Variants in NOVA1 observed in about 807,000 individuals in gnomAD.
NOVA1 encodes the protein NOVA alternative splicing regulator 1, also known as RNA-binding protein Nova-1.
Under a neutral mutation model 38.0 loss-of-function variants are expected in NOVA1, and 7 were observed. That is an observed-to-expected ratio of 0.18 (90% confidence interval 0.10 to 0.35). The LOEUF is 0.35. Among genes scored for constraint, NOVA1 ranks in the 10% least tolerant of loss-of-function variants. The pLI is 1.00. For missense variants in NOVA1, 460 were observed against 616.0 expected, an observed-to-expected ratio of 0.75 and a Z score of 2.68; for synonymous variants, 270 against 232.5, an observed-to-expected ratio of 1.16 and a Z score of -1.47.
intron 4 of NOVA1, among the ~76,000 whole-genome samples, chr14:26,465,191 T>C (rs1420145424): frequency 6.6e-6 from 1 of 152,194 alleles, no homozygotes; most frequent in East Asian, 1.9e-4. Flanking sequence ...TTTTCTTTTT[T>C]TGAGATGGAG....
chr14:26,496,452 A>G (rs2138382698), intron 2 of NOVA1, among the ~76,000 whole-genome samples: 1 of 151,856 alleles, frequency 6.6e-6, no homozygotes, highest in Middle Eastern at 3.4e-3. Context: ...TTGCCTGTTC[A>G]CTCTGATGGT....
chr14:26,503,193 C>A (rs150036037), intron 2 of NOVA1, among the ~76,000 whole-genome samples: 43 of 151,860 alleles, frequency 2.8e-4, no homozygotes, highest in African/African-American at 9.9e-4. Context: ...GTATTTATTC[C>A]TTAATATATG....
chr14:26,596,959 A>G (rs774925329), intron 1 of NOVA1: 4 of 1,210,984 alleles, frequency 3.3e-6, no homozygotes, highest in South Asian at 4.0e-5. Context: ...CTCCGGGGTC[A>G]TCCTCCTCCT....
chr14:26,449,648 T>C (rs1882459315), intron 4 of NOVA1, among the ~76,000 whole-genome samples: 1 of 152,140 alleles, frequency 6.6e-6, no homozygotes, highest in Non-Finnish European at 1.5e-5. Context: ...TTGGGGTAGA[T>C]TAACCCTATT....
chr14:26,545,570 G>C (rs1890738432), intron 2 of NOVA1, among the ~76,000 whole-genome samples: 1 of 151,990 alleles, frequency 6.6e-6, no homozygotes. Context: ...GAGGACAATG[G>C]GGGCCACTGA....
intron 2 of NOVA1, among the ~76,000 whole-genome samples, chr14:26,578,249 G>A (rs532322235): frequency 6.6e-6 from 1 of 152,164 alleles, no homozygotes; most frequent in South Asian, 2.1e-4. Context: ...AAAGAGAAAT[G>A]AAAAGAGAGG....
At chr14:26,596,562 G>A in intron 1 of NOVA1, 1 of 1,289,132 alleles carries the variant, frequency 7.8e-7, no homozygotes, top group African/African-American at 1.5e-5. Context: ...ATATGCTGGA[G>A]ATAAATTCAC....
At chr14:26,548,208 T>C (rs1890925621) in intron 2 of NOVA1, among the ~76,000 whole-genome samples, 1 of 152,042 alleles carries the variant, frequency 6.6e-6, no homozygotes, top group Non-Finnish European at 1.5e-5. Context: ...TAAGCCCAAA[T>C]ATCTTGGTAA....
At position 26,448,790 on chromosome 14, in the gene NOVA1, T is replaced by C; in HGVS notation, c.693A>G (p.Arg231=). The C allele has an allele frequency of 6.2e-7, 1 of 1,614,146 alleles. No individual in the cohort carries two copies. Among genetic ancestry groups the C allele is most frequent in the East Asian group, 2.2e-5 (1 of 44,862 alleles). Residue 231 remains arginine (R), a synonymous_variant, in exon 5 of 5, where the codon CGA becomes CGG. Transcript: ENST00000539517. This position sits in a 1 kb window ranked among gnomAD's most constrained non-coding sequence, Gnocchi z 5.3. ...VTVSGEPEQN[R]KAVELIIQKI... Reference sequence around the variant, plus strand: ...TCTGGATGATAAGTTCAACAGCTTTTCGGTTTTGTTCAGGTTCTCCACTCA... The same window carrying C: ...TCTGGATGATAAGTTCAACAGCTTTCCGGTTTTGTTCAGGTTCTCCACTCA...
In NOVA1 at chr14:26,597,507, C is replaced by CTTTTTTT. The variant is rs563401938; in HGVS notation, c.-78_-72dup. ...GTTTTGGCTTTTTCTTTTCTTTTTT[C>CTTTTTTT]TTTTTTTTTTTTTTTTTTTTTTGCG... On this transcript the variant is annotated 5_prime_UTR_variant, in exon 1 of 5. Transcript: ENST00000539517. The CTTTTTTT allele has an allele frequency of 1.5e-4, 115 of 782,612 alleles. No homozygotes were observed. In the African/African-American group the frequency reaches 2.1e-3, roughly 14 times the overall value. 48.5% of individuals were successfully genotyped at this position (782,612 alleles called of 1,614,324 possible).
chr14:26,447,324 A>G lies in NOVA1; in HGVS notation c.*635T>C, dbSNP rs1323513470. On this transcript the variant is annotated 3_prime_UTR_variant, in exon 5 of 5. Transcript: ENST00000539517. ...GAAGAATGGGCCATGGCCAGCATGC[A>G]GCATTATTTCCATTGTCTAGTTCAG... 2 of 152,890 alleles carry G rather than the reference A, an allele frequency of 1.3e-5. No homozygotes were observed. The allele number at this position is 152,890 out of a possible 1,614,324, so 9.5% of individuals were successfully genotyped here. A position where few individuals can be genotyped will look rare whatever the true frequency, so the allele number is the denominator to read the frequency against.
chr14:26,568,861 T>G (rs1892296943), intron 2 of NOVA1, among the ~76,000 whole-genome samples: 1 of 152,160 alleles, frequency 6.6e-6, no homozygotes, highest in Non-Finnish European at 1.5e-5. Context: ...ATTCCTAACA[T>G]GCACTTAGAA....
intron 2 of NOVA1, among the ~76,000 whole-genome samples, chr14:26,544,323 C>T (rs534527746): frequency 6.6e-6 from 1 of 152,076 alleles, no homozygotes; most frequent in East Asian, 1.9e-4. Flanking sequence ...TCTCCAAATA[C>T]TAGAAGTCTT....
chr14:26,577,205 A>G (rs546790793), intron 2 of NOVA1, among the ~76,000 whole-genome samples: 3 of 152,232 alleles, frequency 2.0e-5, no homozygotes, highest in Admixed American at 2.0e-4. Flanking sequence ...TTTAAGGTTA[A>G]ATAACATTCC....
chr14:26,558,497 G>T (rs1313626367), intron 2 of NOVA1, among the ~76,000 whole-genome samples: 1 of 152,070 alleles, frequency 6.6e-6, no homozygotes, highest in Non-Finnish European at 1.5e-5. Context: ...CTAAAAAACA[G>T]TCCATTAATT....
chr14:26,470,409 T>C lies in NOVA1; in HGVS notation c.519+1911A>G, dbSNP rs541639623. ...ATTAATAATATGAAAGATTGATGATTACAATTCTTTCAATGAATTACGGAT... is the reference window on the plus strand; with the variant it reads ...ATTAATAATATGAAAGATTGATGATCACAATTCTTTCAATGAATTACGGAT... On this transcript the variant is annotated intron_variant, in intron 4 of 4. Transcript: ENST00000539517. The C allele has an allele frequency of 7.9e-6, 12 of 1,510,554 alleles. No homozygotes were observed. In the East Asian group the frequency reaches 2.5e-4, roughly 31 times the overall value. 93.6% of individuals were successfully genotyped at this position (1,510,554 alleles called of 1,614,324 possible).
intron 4 of NOVA1, among the ~76,000 whole-genome samples, chr14:26,461,154 C>A: frequency 6.6e-6 from 1 of 152,074 alleles, no homozygotes; most frequent in East Asian, 1.9e-4. Context: ...CTAGTATGAG[C>A]CAATACTAGA....
chr14:26,581,016 A>T (rs1426528087), intron 2 of NOVA1, among the ~76,000 whole-genome samples: 1 of 152,100 alleles, frequency 6.6e-6, no homozygotes, highest in Non-Finnish European at 1.5e-5. Flanking sequence ...ATGCTTTTAC[A>T]GTTTTCCTTT....
intron 2 of NOVA1, among the ~76,000 whole-genome samples, chr14:26,525,627 G>T (rs8004600): frequency 0.23 from 34,636 of 151,840 alleles, 4,431 homozygotes; most frequent in East Asian, 0.33. Flanking sequence ...ATATTTCCAG[G>T]GGCTTCCATT....
Sources: gnomAD v4.1 joint callset for allele counts (sites outside exome capture counted in the v4.1 genomes callset) on GRCh38, gnomAD v4.1.1 for gene constraint, Gnocchi (gnomAD v3.1) non-coding constraint, MANE v1.5 for transcripts, NCBI Gene and HGNC (gene_info 2026-07-23, HGNC 2026-07-21) for gene names.